KCNMB1: variants seen among roughly 807,000 people sequenced by gnomAD.
KCNMB1 encodes the protein potassium calcium-activated channel subfamily M regulatory beta subunit 1.
KCNMB1 carries 22 observed loss-of-function variants against 21.7 expected under a neutral mutation model. The ratio of observed to expected loss-of-function variants is 1.01; its 90% confidence interval spans 0.72 to 1.45. The LOEUF is 1.45. Ranked by LOEUF, KCNMB1 falls within the 40% of genes most tolerant of loss-of-function variation. KCNMB1 has a pLI of 0.00. For synonymous variants in KCNMB1, 114 were observed against 107.6 expected (o/e 1.06, Z -0.37); for missense variants, 243 against 243.4 (o/e 1.00, Z 0.01).
At chr5:170,380,098 T>C (rs1442759370) in intron 3 of KCNMB1, among the ~76,000 whole-genome samples, 1 of 152,252 alleles carries the variant, frequency 6.6e-6, no homozygotes, top group Non-Finnish European at 1.5e-5. Flanking sequence ...GAAAAGAGTT[T>C]TGTGCCAGCA....
At chr5:170,388,591 G>A (rs569902307) in intron 1 of KCNMB1, among the ~76,000 whole-genome samples, 12 of 152,328 alleles carry the variant, frequency 7.9e-5, no homozygotes, top group African/African-American at 2.4e-4. Flanking sequence ...GCAGGACTTT[G>A]GAGTGTCCTG....
chr5:170,382,268 A>G (rs193283140), intron 3 of KCNMB1, among the ~76,000 whole-genome samples: 1 of 152,278 alleles, frequency 6.6e-6, no homozygotes, highest in East Asian at 1.9e-4. Flanking sequence ...TCACCTTGGG[A>G]GCTCCATGAA....
At position 170,376,716 on chromosome 5, in the gene KCNMB1, G is replaced by A. The variant is rs1446060999; in HGVS notation, c.*1988C>T. The A allele has an allele frequency of 6.6e-6, 1 of 151,882 alleles. No homozygotes were observed. The highest frequency in any genetic ancestry group is 1.5e-5 in the Non-Finnish European group (1 of 67,978). The allele number at this position is 151,882 out of a possible 1,614,324, so 9.4% of individuals were successfully genotyped here. A position where few individuals can be genotyped will look rare whatever the true frequency, so the allele number is the denominator to read the frequency against. On this transcript the variant is annotated 3_prime_UTR_variant, in exon 4 of 4. Coordinates refer to ENST00000274629, the MANE Select transcript of KCNMB1 (RefSeq NM_004137.4). The stretch of plus-strand genomic sequence containing the variant: ...GGACATGATCTCCTTCCTTTTTATG[G>A]CTGCATAATATTCCATGACGTATAC...
chr5:170,384,147 C>T (rs1764372077), intron 2 of KCNMB1, among the ~76,000 whole-genome samples: 1 of 152,222 alleles, frequency 6.6e-6, no homozygotes, highest in African/African-American at 2.4e-5. Flanking sequence ...AGCTACACCC[C>T]AGAGCAAGTG....
chr5:170,383,920 C>G, intron 2 of KCNMB1, 70 bp from the exon 3 acceptor site: 1 of 1,511,312 alleles, frequency 6.6e-7, no homozygotes, highest in Non-Finnish European at 9.0e-7. Context: ...CCCATTTGAA[C>G]CCATTATCCC....
intron 3 of KCNMB1, 64 bp from the exon 4 acceptor site, chr5:170,379,037 T>C: frequency 1.9e-6 from 3 of 1,558,922 alleles, no homozygotes; most frequent in South Asian, 1.2e-5. Flanking sequence ...AAGGGCTTGA[T>C]ATGGAGTAAA....
chr5:170,385,600 A>G, intron 1 of KCNMB1, 129 bp from the exon 2 acceptor site: 1 of 902,604 alleles, frequency 1.1e-6, no homozygotes, highest in South Asian at 1.7e-5. Context: ...GGAGCTTTGC[A>G]ACTTCCAGAA....
chr5:170,384,648 C>T (rs950182599), intron 2 of KCNMB1, among the ~76,000 whole-genome samples: 6 of 152,214 alleles, frequency 3.9e-5, no homozygotes, highest in African/African-American at 1.4e-4. Context: ...GAGCACAGGT[C>T]TGAGACTTAT....
At chr5:170,383,470 A>G in intron 3 of KCNMB1, 2 of 634,582 alleles carry the variant, frequency 3.2e-6, no homozygotes, top group South Asian at 3.6e-5. Flanking sequence ...TGGCCTGCCT[A>G]TGTTTACACA....
intron 3 of KCNMB1, among the ~76,000 whole-genome samples, chr5:170,381,156 T>C (rs1764223220): frequency 6.6e-6 from 1 of 152,174 alleles, no homozygotes; most frequent in African/African-American, 2.4e-5. Context: ...TCTTTTATGC[T>C]GGGCCTGTTT....
chr5:170,385,228 G>T (rs888539969), intron 2 of KCNMB1, 86 bp downstream of exon 2: 1 of 1,426,706 alleles, frequency 7.0e-7, no homozygotes, highest in Admixed American at 1.7e-5. Context: ...GTCAAGGAGA[G>T]GGGTGAGTAG....
At chr5:170,379,069 C>T (rs962704651) in intron 3 of KCNMB1, 96 bp from the exon 4 acceptor site, 11 of 1,449,506 alleles carry the variant, frequency 7.6e-6, no homozygotes, top group African/African-American at 2.8e-5. Flanking sequence ...GCTTTGTAGT[C>T]GGGCCCCTGG....
intron 3 of KCNMB1, among the ~76,000 whole-genome samples, chr5:170,381,706 G>A (rs973908573): frequency 6.6e-6 from 1 of 152,254 alleles, no homozygotes; most frequent in African/African-American, 2.4e-5. Flanking sequence ...AGTTCATTCA[G>A]GGGATGCTCC....
chr5:170,383,417 T>C (rs1418840422), intron 3 of KCNMB1: 6 of 603,016 alleles, frequency 9.9e-6, no homozygotes, highest in Non-Finnish European at 1.8e-5. Context: ...AGCATTAGCA[T>C]TCCACTTTAC....
chr5:170,384,054 T>C (rs1764366782), intron 2 of KCNMB1, among the ~76,000 whole-genome samples: 1 of 152,186 alleles, frequency 6.6e-6, no homozygotes, highest in Non-Finnish European at 1.5e-5. Flanking sequence ...GATGGGGTCT[T>C]AGACATTATC....
In KCNMB1 at chr5:170,383,329, G is replaced by C; in HGVS notation, c.306+350C>G. ...AACACTAATCACTGCTTTTGTTTGAGTGCCCACTATCCACTCAGCATCAAG... is the reference window on the plus strand; with the variant it reads ...AACACTAATCACTGCTTTTGTTTGACTGCCCACTATCCACTCAGCATCAAG... On this transcript the variant is annotated intron_variant, in intron 3 of 3. Transcript: ENST00000274629. 5.4e-6 allele frequency: 3 copies of C among 559,382 alleles called. No homozygotes were observed. The South Asian group carries it at 7.0e-5, about 13-fold the overall frequency. 34.7% of individuals were successfully genotyped at this position (559,382 alleles called of 1,614,324 possible).
At chr5:170,381,805 T>G (rs1190931186) in intron 3 of KCNMB1, among the ~76,000 whole-genome samples, 4 of 152,196 alleles carry the variant, frequency 2.6e-5, no homozygotes, top group Non-Finnish European at 4.4e-5. Context: ...TACCAGTTAT[T>G]GAAAATTTGT....
intron 1 of KCNMB1, among the ~76,000 whole-genome samples, chr5:170,387,722 C>A (rs1381617761): frequency 1.3e-5 from 2 of 152,168 alleles, no homozygotes; most frequent in Non-Finnish European, 2.9e-5. Flanking sequence ...AATGGGAGAG[C>A]CCATGCCTTT....
intron 2 of KCNMB1, 152 bp from the exon 3 acceptor site, chr5:170,384,002 G>T: frequency 4.1e-6 from 3 of 725,736 alleles, no homozygotes; most frequent in Middle Eastern, 3.6e-4. Context: ...AAAGGCACAT[G>T]ACCCCACAGT....
Sources: gnomAD v4.1 joint callset for allele counts (sites outside exome capture counted in the v4.1 genomes callset) on GRCh38, gnomAD v4.1.1 for gene constraint, MANE v1.5 for transcripts, NCBI Gene and HGNC (gene_info 2026-07-23, HGNC 2026-07-21) for gene names.